The following FKBP9 variants were observed in gnomAD, a reference collection of about 807,000 sequenced individuals.
The protein encoded by FKBP9 is peptidyl-prolyl cis-trans isomerase FKBP9.
FKBP9 carries 27 observed loss-of-function variants against 55.6 expected under a neutral mutation model. The ratio of observed to expected loss-of-function variants is 0.49; its 90% CI spans 0.36 to 0.67. The LOEUF is 0.67. Among genes scored for constraint, FKBP9 ranks in the 30% least tolerant of loss-of-function variants. The pLI is 0.00. For synonymous variants in FKBP9, 267 were observed against 296.5 expected, an observed-to-expected ratio of 0.90 and a Z score of 1.02; for missense variants, 539 against 742.8, an observed-to-expected ratio of 0.73 and a Z score of 3.19.
Position 32,974,768 on chromosome 7 carries a change from C to A in FKBP9, c.367+6C>A, listed in dbSNP as rs778958219. The A allele has an allele frequency of 2.5e-6, 4 of 1,611,984 alleles. No homozygotes were observed. The highest frequency in any genetic ancestry group is 2.7e-5 in the African/African-American group (2 of 74,936). On this transcript the variant is annotated splice_donor_region_variant and intron_variant, in intron 2 of 9. Coordinates refer to ENST00000242209, the MANE Select transcript of FKBP9 (RefSeq NM_007270.5). The stretch of plus-strand genomic sequence containing the variant: ...CTACGGAAATGAAGGAGTTTGTAAG[C>A]TTTTCTTCCTCGTTTATAAACACGT...
At chr7:32,984,416 C>G (rs779110004) in intron 5 of FKBP9, among the ~76,000 whole-genome samples, 1 of 151,924 alleles carries the variant, frequency 6.6e-6, no homozygotes, top group Non-Finnish European at 1.5e-5. Context: ...AAAATTTGCC[C>G]GACTCATTTT....
chr7:32,985,984 CTG>C (rs1180518584), intron 5 of FKBP9, among the ~76,000 whole-genome samples: 1 of 152,102 alleles, frequency 6.6e-6, no homozygotes, highest in East Asian at 1.9e-4. Flanking sequence ...CAGAGTGAGA[CTG>C]TGTCTCAAAA....
rs536027895 is a variant in FKBP9 at position 32,980,801 on chromosome 7, C to A, written c.893+248C>A. On this transcript the variant is annotated intron_variant, in intron 5 of 9. Transcript: ENST00000242209. Reference sequence around the variant, plus strand: ...GTGGAGTGCAGTGCAGCTGCATGATCGTGGCTTTCTGCAGCCTTGAACTCC... The same window carrying A: ...GTGGAGTGCAGTGCAGCTGCATGATAGTGGCTTTCTGCAGCCTTGAACTCC... Among the ~76,000 whole-genome samples, 117 of 152,050 alleles carry A rather than the reference C, an allele frequency of 7.7e-4. 1 individual carries two copies. Among genetic ancestry groups the A allele is most frequent in the African/African-American group, 2.8e-3 (114 of 41,448 alleles).
intron 1 of FKBP9, among the ~76,000 whole-genome samples, chr7:32,968,837 T>C (rs1024395244): frequency 1.3e-5 from 2 of 152,056 alleles, no homozygotes; most frequent in Admixed American, 1.3e-4. Flanking sequence ...TTTGTATTTT[T>C]AGTAGAGACG....
chr7:32,983,510 T>TCC (rs1471143794), intron 5 of FKBP9, among the ~76,000 whole-genome samples: 2 of 151,832 alleles, frequency 1.3e-5, no homozygotes, highest in East Asian at 3.9e-4. Context: ...AGACAGGGTT[T>TCC]TGCCATGTTG....
chr7:32,998,522 C>T (rs549242995), intron 7 of FKBP9: 3 of 152,276 alleles, frequency 2.0e-5, no homozygotes, highest in Admixed American at 2.0e-4. Context: ...GCATTTTGTA[C>T]TCTGAGAGCC....
chr7:32,973,891 C>T (rs1480358628), intron 1 of FKBP9, among the ~76,000 whole-genome samples: 5 of 146,146 alleles, frequency 3.4e-5, no homozygotes, highest in Non-Finnish European at 6.0e-5. Flanking sequence ...GGGGTTTCAC[C>T]GTGTTGGCCA....
intron 4 of FKBP9, among the ~76,000 whole-genome samples, chr7:32,979,021 C>A (rs1377417082): frequency 6.6e-6 from 1 of 152,148 alleles, no homozygotes; most frequent in Non-Finnish European, 1.5e-5. Context: ...GTAATCCCAG[C>A]ACTTTGGGAG....
Position 32,980,357 on chromosome 7 carries a change from A to C in FKBP9, c.704-7A>C, listed in dbSNP as rs373021440. 5.6e-6 allele frequency: 9 copies of C among 1,607,690 alleles called. No homozygotes were observed. In the South Asian group the frequency reaches 9.9e-5, roughly 18 times the overall value. ...CCGTTTAATCATCTTCTCCCATTCC[A>C]TTCTAGGGAAAGACATTCCCGGTCA... On this transcript the variant is annotated splice_polypyrimidine_tract_variant and splice_region_variant and intron_variant, in intron 4 of 9. Transcript: ENST00000242209.
intron 5 of FKBP9, among the ~76,000 whole-genome samples, chr7:32,985,049 T>C (rs994483574): frequency 8.5e-5 from 13 of 152,120 alleles, no homozygotes; most frequent in Non-Finnish European, 1.8e-4. Flanking sequence ...TACTAAGTGA[T>C]GCATTGACAT....
intron 8 of FKBP9, among the ~76,000 whole-genome samples, chr7:33,002,334 T>A (rs1327209413): frequency 1.3e-5 from 2 of 152,170 alleles, no homozygotes; most frequent in Non-Finnish European, 2.9e-5. Flanking sequence ...AGTTTCACCA[T>A]GTTGGCCAGG....
intron 9 of FKBP9, among the ~76,000 whole-genome samples, chr7:33,003,811 T>G (rs2953611): frequency 6.6e-6 from 1 of 152,190 alleles, no homozygotes; most frequent in Non-Finnish European, 1.5e-5. Context: ...GTCTTGACCT[T>G]TGTTCTTTTC....
chr7:32,957,752 A>G lies in FKBP9; in HGVS notation c.179A>G (p.His60Arg). The change falls in exon 1 of 10, where the codon CAC becomes CGC. Residue 60 changes from histidine (H) to arginine (R), a missense_variant. By Grantham distance (29) the His-to-Arg change is conservative. Around this residue, in one of 4 missense-constraint regions of FKBP9, gnomAD observed 236 missense variants for 271.5 expected, o/e 0.87. Coordinates refer to ENST00000242209, the MANE Select transcript of FKBP9 (RefSeq NM_007270.5). Reference protein sequence around the residue: ...TVRSGDFVRYHYVGTFPDGQK... With the variant: ...TVRSGDFVRYRYVGTFPDGQK... ...CGCAGCGGCGACTTCGTGCGCTACC[A>G]CTACGTGGGGACGTTCCCCGACGGC... 1 of 1,508,018 alleles carries G rather than the reference A, an allele frequency of 6.6e-7. No individual in the cohort carries two copies. The highest frequency in any genetic ancestry group is 8.8e-7 in the Non-Finnish European group (1 of 1,132,348). The allele number at this position is 1,508,018 out of a possible 1,614,324, so 93.4% of individuals were successfully genotyped here.
chr7:32,965,003 T>G (rs1784104724), intron 1 of FKBP9, among the ~76,000 whole-genome samples: 1 of 152,224 alleles, frequency 6.6e-6, no homozygotes, highest in Non-Finnish European at 1.5e-5. Context: ...CCCCTGTGAG[T>G]CAGCCATCTG....
At chr7:32,964,228 C>T (rs1176106424) in intron 1 of FKBP9, among the ~76,000 whole-genome samples, 1 of 152,250 alleles carries the variant, frequency 6.6e-6, no homozygotes, top group Admixed American at 6.5e-5. Flanking sequence ...CCATTGGCAG[C>T]TGGCCAAGCA....
intron 6 of FKBP9, among the ~76,000 whole-genome samples, chr7:32,994,260 C>G (rs928916492): frequency 5.1e-4 from 77 of 152,146 alleles, no homozygotes; most frequent in African/African-American, 1.8e-3. Context: ...CCATCCACTT[C>G]CCCCACGCTG....
At chr7:32,964,022 A>G (rs1012305561) in intron 1 of FKBP9, among the ~76,000 whole-genome samples, 6 of 152,070 alleles carry the variant, frequency 3.9e-5, no homozygotes, top group African/African-American at 4.8e-5. Flanking sequence ...GGGGCCTGAC[A>G]GGGTCAGTGG....
intron 1 of FKBP9, 24 bp from the exon 2 acceptor site, chr7:32,974,592 CT>C (rs1562565940): frequency 6.2e-7 from 1 of 1,603,698 alleles, no homozygotes. Context: ...TTTTCTTTCT[CT>C]TTCCCTACCC....
At chr7:32,965,812 A>C (rs7784808) in intron 1 of FKBP9, among the ~76,000 whole-genome samples, 3 of 34,936 alleles carry the variant, frequency 8.6e-5, no homozygotes, top group Non-Finnish European at 1.5e-4. Flanking sequence ...AAAAAAAAAA[A>C]ATATATATAT....
Sources: gnomAD v4.1 joint callset for allele counts (sites outside exome capture counted in the v4.1 genomes callset) on GRCh38, gnomAD v4.1.1 for gene constraint, gnomAD v4.1.1 regional missense constraint, MANE v1.5 for transcripts, NCBI Gene and HGNC (gene_info 2026-07-23, HGNC 2026-07-21) for gene names.